Variants in LBR observed in about 807,000 individuals in gnomAD.
LBR encodes lamin B receptor.
Under a neutral mutation model 74.3 loss-of-function variants are expected in LBR, and 28 were observed. The observed-to-expected ratio is 0.38, with a 90% CI of 0.28 to 0.52. The LOEUF is 0.52. Ranked by LOEUF, LBR falls within the 20% of genes least tolerant of loss-of-function variation. LBR has a pLI of 0.89. For missense variants in LBR, 717 were observed against 760.3 expected (o/e 0.94, Z 0.67); for synonymous variants, 228 against 269.3 (o/e 0.85, Z 1.50).
intron 11 of LBR, among the ~76,000 whole-genome samples, chr1:225,405,672 A>G (rs2096090009): frequency 6.6e-6 from 1 of 152,168 alleles, no homozygotes; most frequent in African/African-American, 2.4e-5. Context: ...GGCCTCCAGA[A>G]CCATGAGCCA....
At chr1:225,427,369 A>C (rs2096141756) in intron 1 of LBR, 1 of 152,302 alleles carries the variant, frequency 6.6e-6, no homozygotes. Context: ...AATTCAACGC[A>C]TAGGAGCGAG....
rs552291666 is a variant in LBR, at chr1:225,421,999, T to C, written c.366+78A>G. 3 of 1,350,486 alleles carry C rather than the reference T, an allele frequency of 2.2e-6. No homozygotes were observed. In the African/African-American group the frequency reaches 4.3e-5, roughly 19 times the overall value. The allele number at this position is 1,350,486 out of a possible 1,614,324, so 83.7% of individuals were successfully genotyped here. A position where few individuals can be genotyped will look rare whatever the true frequency, so the allele number is the denominator to read the frequency against. ...TTGATGTTTCAGTGACATTTTAATA[T>C]TATTAACTGCAAGTAACTTGAGTAA... On this transcript the variant is annotated intron_variant, in intron 3 of 13. Coordinates refer to ENST00000272163, the MANE Select transcript of LBR (RefSeq NM_002296.4).
chr1:225,427,399 G>T (rs1462690865), intron 1 of LBR: 1 of 152,360 alleles, frequency 6.6e-6, no homozygotes. Context: ...AGTGTGCCTG[G>T]AGAATCACCA....
chr1:225,428,306 G>C (rs962815659), upstream of LBR, among the ~76,000 whole-genome samples: 1 of 152,130 alleles, frequency 6.6e-6, no homozygotes, highest in Non-Finnish European at 1.5e-5. Context: ...CCCGGAGCGC[G>C]ACGTTTGCCA....
chr1:225,410,755 ATT>A (rs2096103328), intron 9 of LBR, among the ~76,000 whole-genome samples: 1 of 152,256 alleles, frequency 6.6e-6, no homozygotes, highest in Non-Finnish European at 1.5e-5. Context: ...CTAAACAACT[ATT>A]AGACTAGAGA....
In LBR at chr1:225,404,716, T is replaced by TA. The variant is rs767666884; in HGVS notation, c.1484-11dup. On this transcript the variant is annotated splice_polypyrimidine_tract_variant and intron_variant, in intron 11 of 13. Coordinates refer to ENST00000272163, the MANE Select transcript of LBR (RefSeq NM_002296.4). ...ATTACATAACCACAAACTGCAATTT[T>TA]AAAATATTTTCCTATGTTAATAACT... 2 of 1,570,846 alleles carry TA rather than the reference T, an allele frequency of 1.3e-6. No homozygotes were observed. The highest frequency in any genetic ancestry group is 1.8e-6 in the Non-Finnish European group (2 of 1,142,494).
At chr1:225,404,369 A>G in intron 13 of LBR, 35 bp downstream of exon 13, 2 of 1,613,200 alleles carry the variant, frequency 1.2e-6, no homozygotes, top group Admixed American at 3.3e-5. Context: ...CTGGCGGCTA[A>G]AAGGGTCAAA....
At chr1:225,411,556 C>G in intron 8 of LBR, 116 bp from the exon 9 acceptor site, 1 of 790,266 alleles carries the variant, frequency 1.3e-6, no homozygotes, top group Non-Finnish European at 2.2e-6. Context: ...AGACCCTGAG[C>G]AGGGCTCTGG....
chr1:225,408,861 T>C (rs1051714263), intron 10 of LBR, among the ~76,000 whole-genome samples: 2 of 152,232 alleles, frequency 1.3e-5, no homozygotes, highest in Non-Finnish European at 2.9e-5. Context: ...TATCAACTTC[T>C]AAGCCAATTA....
intron 10 of LBR, among the ~76,000 whole-genome samples, chr1:225,409,167 A>G (rs1480080630): frequency 6.7e-6 from 1 of 149,978 alleles, no homozygotes; most frequent in Non-Finnish European, 1.5e-5. Context: ...AGTCAATTTG[A>G]AGTGTTATCA....
chr1:225,421,982 TCA>T, intron 3 of LBR, 93 bp downstream of exon 3: 1 of 1,209,896 alleles, frequency 8.3e-7, no homozygotes, highest in Non-Finnish European at 1.2e-6. Context: ...ATTTGATGTT[TCA>T]GTGACATTTT....
rs2096087713 is a variant in LBR, at chr1:225,404,614, A to T, written c.1564+12T>A. 1.9e-6 allele frequency: 3 copies of T among 1,599,332 alleles called. No individual in the cohort carries two copies. Among genetic ancestry groups the T allele is most frequent in the Non-Finnish European group, 2.6e-6 (3 of 1,168,522 alleles). ...TGTAATATATATAATATAAACATAA[A>T]TCAATACTTACGTGCAAGCTTTGGA... On this transcript the variant is annotated intron_variant, in intron 12 of 13. Transcript: ENST00000272163.
At chr1:225,405,181 A>G (rs1332223516) in intron 11 of LBR, among the ~76,000 whole-genome samples, 2 of 152,238 alleles carry the variant, frequency 1.3e-5, no homozygotes, top group Non-Finnish European at 2.9e-5. Flanking sequence ...GCTTAGAATC[A>G]GCACCAAAAC....
At chr1:225,409,985 G>A (rs1244285246) in intron 10 of LBR, among the ~76,000 whole-genome samples, 3 of 152,160 alleles carry the variant, frequency 2.0e-5, no homozygotes, top group African/African-American at 7.2e-5. Flanking sequence ...CCATTTTCAT[G>A]TGATACCATA....
Position 225,412,920 on chromosome 1 carries a change from C to T in LBR, c.893-275G>A, listed in dbSNP as rs41304143. On this transcript the variant is annotated intron_variant, in intron 7 of 13. Coordinates refer to ENST00000272163, the MANE Select transcript of LBR (RefSeq NM_002296.4). ...TTGCTTTTAATTAAGGGAAAACAGA[C>T]AAGAAGTGCAACCTGAAAATTCCCA... Among the ~76,000 whole-genome samples, 646 of 152,172 alleles carry T rather than the reference C, an allele frequency of 4.2e-3. 4 individuals carry two copies. The highest frequency in any genetic ancestry group is 6.9e-3 in the Non-Finnish European group (472 of 67,988).
At position 225,402,291 on chromosome 1, in the gene LBR, T is replaced by C. The variant is rs1241909966; in HGVS notation, c.*1012A>G. ...ATGAACTTTTAAAAAGTCAAAAATA[T>C]ATAAAAATATTAGCCTGAAATGGCA... is the stretch of plus-strand genomic sequence containing the variant. On this transcript the variant is annotated 3_prime_UTR_variant, in exon 14 of 14. Transcript: ENST00000272163. 3 of 152,170 alleles carry C rather than the reference T, an allele frequency of 2.0e-5. No homozygotes were observed. The highest frequency in any genetic ancestry group is 7.2e-5 in the African/African-American group (3 of 41,458). The allele number at this position is 152,170 out of a possible 1,614,324, so 9.4% of individuals were successfully genotyped here.
At chr1:225,415,170 A>G in intron 7 of LBR, 108 bp downstream of exon 7, 1 of 748,610 alleles carries the variant, frequency 1.3e-6, no homozygotes, top group South Asian at 1.6e-5. Context: ...CTACTAAGAA[A>G]TAATTTATCA....
At chr1:225,407,050 T>C (rs988329704) in intron 10 of LBR, among the ~76,000 whole-genome samples, 1 of 152,130 alleles carries the variant, frequency 6.6e-6, no homozygotes, top group Non-Finnish European at 1.5e-5. Context: ...GCTCTGGAGA[T>C]AACAGATCTC....
At chr1:225,407,052 A>T (rs537026764) in intron 10 of LBR, among the ~76,000 whole-genome samples, 1 of 152,204 alleles carries the variant, frequency 6.6e-6, no homozygotes, top group African/African-American at 2.4e-5. Context: ...TCTGGAGATA[A>T]CAGATCTCTA....
Sources: gnomAD v4.1 joint callset for allele counts (sites outside exome capture counted in the v4.1 genomes callset) on GRCh38, gnomAD v4.1.1 for gene constraint, MANE v1.5 for transcripts, NCBI Gene and HGNC (gene_info 2026-07-23, HGNC 2026-07-21) for gene names.